The following NHSL1 variants were observed in gnomAD, a reference collection of about 807,000 sequenced individuals.
The protein encoded by NHSL1 is NHS-like protein 1.
In NHSL1, 48 loss-of-function variants were observed where a neutral mutation model predicts 95.0. That is an observed-to-expected ratio of 0.51 (90% confidence interval 0.40 to 0.64). NHSL1 has a LOEUF of 0.64. Among genes scored for constraint, NHSL1 ranks in the 30% least tolerant of loss-of-function variants. NHSL1 has a pLI of 0.00. For synonymous variants in NHSL1, 783 were observed against 833.9 expected (o/e 0.94, Z 1.05); for missense variants, 1,971 against 2,077.7 (o/e 0.95, Z 1.00).
intron 1 of NHSL1, among the ~76,000 whole-genome samples, chr6:138,583,769 C>G (rs1402374166): frequency 6.6e-6 from 1 of 152,170 alleles, no homozygotes; most frequent in Non-Finnish European, 1.5e-5. Flanking sequence ...TCTAATCTGG[C>G]TTGATTAGAT....
chr6:138,541,576 A>G (rs955984704), intron 1 of NHSL1, among the ~76,000 whole-genome samples: 3 of 152,040 alleles, frequency 2.0e-5, no homozygotes, highest in Non-Finnish European at 4.4e-5. Flanking sequence ...GAGGATAAGC[A>G]GGAGAATGTT....
At chr6:138,501,181 C>T (rs1780654608), upstream of NHSL1, among the ~76,000 whole-genome samples, 1 of 152,214 alleles carries the variant, frequency 6.6e-6, no homozygotes, top group South Asian at 2.1e-4. Flanking sequence ...ATGCTCAACC[C>T]TCCATAGCAT....
At chr6:138,470,875 C>T (rs558718907) in intron 3 of NHSL1, among the ~76,000 whole-genome samples, 11 of 152,304 alleles carry the variant, frequency 7.2e-5, no homozygotes, top group Non-Finnish European at 1.6e-4. Flanking sequence ...CTTCTCATTC[C>T]TGGTCTAGTG....
chr6:138,533,497 G>A (rs895954225), intron 1 of NHSL1, among the ~76,000 whole-genome samples: 6 of 152,042 alleles, frequency 3.9e-5, no homozygotes, highest in African/African-American at 4.8e-5. Flanking sequence ...GCGGTGAGCC[G>A]AGATCACGCC....
chr6:138,472,973 A>C (rs1451658294), intron 3 of NHSL1, among the ~76,000 whole-genome samples: 3 of 152,226 alleles, frequency 2.0e-5, no homozygotes, highest in African/African-American at 7.2e-5. Flanking sequence ...TTCTAACCAA[A>C]AAAGAATATT....
Position 138,651,690 on chromosome 6 carries a change from A to G in NHSL1, c.96+40786T>C, listed in dbSNP as rs149873342. 2.0e-5 allele frequency among the ~76,000 whole-genome samples: 3 copies of G among 152,344 alleles called. No homozygotes were observed. In the East Asian group the frequency reaches 5.8e-4, roughly 29 times the overall value. On this transcript the variant is annotated intron_variant, in intron 1 of 3. Transcript: ENST00000491526. ...GATCTCCTGTCTGACAACATTCCAGAAGCTACAGGACAGAAATGTCAGTCA... is the reference window on the plus strand; with the variant it reads ...GATCTCCTGTCTGACAACATTCCAGGAGCTACAGGACAGAAATGTCAGTCA...
chr6:138,454,084 C>T (rs1343499819), intron 3 of NHSL1, among the ~76,000 whole-genome samples: 1 of 152,066 alleles, frequency 6.6e-6, no homozygotes, highest in African/African-American at 2.4e-5. Flanking sequence ...TAAAATATTA[C>T]TAAAAACCTG....
At chr6:138,521,473 A>G (rs1781681239) in intron 1 of NHSL1, among the ~76,000 whole-genome samples, 1 of 152,140 alleles carries the variant, frequency 6.6e-6, no homozygotes, top group South Asian at 2.1e-4. Context: ...CTCAAACAAA[A>G]CAAAACAGCT....
At chr6:138,535,177 A>T (rs1339551119) in intron 1 of NHSL1, among the ~76,000 whole-genome samples, 1 of 152,166 alleles carries the variant, frequency 6.6e-6, no homozygotes, top group Non-Finnish European at 1.5e-5. Flanking sequence ...AGCAGGTAGC[A>T]GTTTAGATGG....
At chr6:138,532,642 C>CA (rs1289067157) in intron 1 of NHSL1, among the ~76,000 whole-genome samples, 1 of 152,154 alleles carries the variant, frequency 6.6e-6, no homozygotes, top group Non-Finnish European at 1.5e-5. Context: ...ATCAAGCAAG[C>CA]AGGGCAATCA....
chr6:138,607,062 G>C (rs184759570), intron 1 of NHSL1, among the ~76,000 whole-genome samples: 64 of 152,158 alleles, frequency 4.2e-4, no homozygotes, highest in African/African-American at 1.5e-3. Context: ...GGTGCCCCCA[G>C]GTGCTACCAT....
intron 1 of NHSL1, among the ~76,000 whole-genome samples, chr6:138,658,597 A>G (rs950304126): frequency 1.3e-5 from 2 of 152,190 alleles, no homozygotes; most frequent in Non-Finnish European, 2.9e-5. Context: ...ATCCACTGAA[A>G]GACAAAGGTT....
intron 1 of NHSL1, among the ~76,000 whole-genome samples, chr6:138,624,445 A>C (rs1784709170): frequency 6.6e-6 from 1 of 152,220 alleles, no homozygotes. Flanking sequence ...GAGGCTGGAT[A>C]TATGAGTCTG....
chr6:138,445,840 C>A (rs867214079), intron 4 of NHSL1, among the ~76,000 whole-genome samples: 1 of 152,104 alleles, frequency 6.6e-6, no homozygotes, highest in Non-Finnish European at 1.5e-5. Flanking sequence ...TAGCTTCTGG[C>A]CTTAAGGGCC....
intron 1 of NHSL1, among the ~76,000 whole-genome samples, chr6:138,510,565 G>A (rs1290510356): frequency 2.6e-5 from 4 of 152,128 alleles, no homozygotes; most frequent in Non-Finnish European, 5.9e-5. Context: ...AGTGCTACAA[G>A]GGTTTTAGAA....
rs150850245 is a variant in NHSL1 at position 138,456,318 on chromosome 6, C to T, written c.340-9125G>A. ...AGGTGGAAAAGCTGCCCCAAACCTA[C>T]GCTCTCAAGCATCATGTTAAATAAG... On this transcript the variant is annotated intron_variant, in intron 3 of 7. Transcript: ENST00000343505. Among the ~76,000 whole-genome samples, 134 of 152,330 alleles carry T rather than the reference C, an allele frequency of 8.8e-4. 1 individual carries two copies. The East Asian group carries it at 0.01, about 11-fold the overall frequency.
intron 1 of NHSL1, among the ~76,000 whole-genome samples, chr6:138,584,488 T>C (rs1421586915): frequency 1.3e-5 from 2 of 152,166 alleles, no homozygotes; most frequent in East Asian, 3.8e-4. Context: ...GAAGGGCTAT[T>C]TAGTGAAGGG....
rs377030061 is a variant in NHSL1 at position 138,651,082 on chromosome 6, G to T, written c.96+41394C>A. On this transcript the variant is annotated intron_variant, in intron 1 of 3. Coordinates refer to the NHSL1 transcript ENST00000491526. ...TGATAACATGCCATAAAACTCATCT[G>T]TTAAGCTTTAATAGCTACACATGCC... is the stretch of plus-strand genomic sequence containing the variant. The T allele has an allele frequency of 1.6e-3, 584 of 368,350 alleles. 5 individuals are homozygous for T. The highest frequency in any genetic ancestry group is 0.012 in the East Asian group (166 of 13,504). The allele number at this position is 368,350 out of a possible 1,614,324, so 22.8% of individuals were successfully genotyped here.
At chr6:138,525,567 AT>A (rs1562348769) in intron 1 of NHSL1, among the ~76,000 whole-genome samples, 2 of 145,008 alleles carry the variant, frequency 1.4e-5, no homozygotes, top group Admixed American at 7.0e-5. Flanking sequence ...AAATAAATAA[AT>A]AAATAAATAA....
Sources: gnomAD v4.1 joint callset for allele counts (sites outside exome capture counted in the v4.1 genomes callset) on GRCh38, gnomAD v4.1.1 for gene constraint, MANE v1.5 for transcripts, NCBI Gene and HGNC (gene_info 2026-07-23, HGNC 2026-07-21) for gene names.